Variants in STOX2 observed in about 807,000 individuals in gnomAD.
The protein encoded by STOX2 is storkhead-box protein 2.
STOX2 carries 28 observed loss-of-function variants against 60.9 expected under a neutral mutation model. The observed-to-expected ratio is 0.46, with a 90% confidence interval of 0.34 to 0.63. The LOEUF (loss-of-function observed/expected upper bound fraction) is 0.63. Among genes scored for constraint, STOX2 ranks in the 30% least tolerant of loss-of-function variants. The probability of loss-of-function intolerance (pLI) is 0.01; values close to 1 mark genes in which losing one functional copy is unlikely to be tolerated. For synonymous variants in STOX2, 472 were observed against 463.9 expected, an observed-to-expected ratio of 1.02 and a Z score of -0.22; for missense variants, 1,024 against 1,187.7, an observed-to-expected ratio of 0.86 and a Z score of 2.03.
intron 1 of STOX2, among the ~76,000 whole-genome samples, chr4:183,848,013 T>C (rs1740026738): frequency 6.6e-6 from 1 of 152,194 alleles, no homozygotes; most frequent in Non-Finnish European, 1.5e-5. Context: ...TGGAGGGATA[T>C]TGACTGGCCC....
intron 1 of STOX2, among the ~76,000 whole-genome samples, chr4:183,931,601 G>A (rs1222551989): frequency 6.6e-6 from 1 of 152,208 alleles, no homozygotes; most frequent in African/African-American, 2.4e-5. Context: ...TATTGTGAAA[G>A]AAAGGGACTG....
At chr4:183,819,559 G>GGGGAGA (rs1195402058) in intron 1 of STOX2, among the ~76,000 whole-genome samples, 7 of 141,828 alleles carry the variant, frequency 4.9e-5, no homozygotes, top group African/African-American at 1.6e-4. Context: ...GGGAGACTGT[G>GGGGAGA]GGGAGAGGGA....
intron 1 of STOX2, among the ~76,000 whole-genome samples, chr4:183,956,285 A>C (rs2111154686): frequency 6.6e-6 from 1 of 152,314 alleles, no homozygotes; most frequent in South Asian, 2.1e-4. Flanking sequence ...GTGACAGAAA[A>C]GTTACAAAGT....
chr4:184,020,684 G>C lies in STOX2; in HGVS notation c.*3400G>C, dbSNP rs982889507. 7 of 59,814 alleles carry C rather than the reference G, an allele frequency of 1.2e-4. No homozygotes were observed. In the East Asian group the frequency reaches 3.1e-3, roughly 27 times the overall value. 3.7% of individuals were successfully genotyped at this position (59,814 alleles called of 1,614,324 possible). ...GGGGACCATAATGAACATATGAAAG[G>C]GGGGGGGGTGCCATCAAATAGAGAA... On this transcript the variant is annotated 3_prime_UTR_variant, in exon 4 of 4. Coordinates refer to ENST00000308497, the MANE Select transcript of STOX2 (RefSeq NM_020225.3).
intron 3 of STOX2, 50 bp from the exon 4 acceptor site, chr4:184,017,039 A>G (rs1010574719): frequency 1.4e-6 from 2 of 1,461,272 alleles, no homozygotes; most frequent in Admixed American, 4.9e-5. Flanking sequence ...CTCAATTTAT[A>G]ATTATTTATG....
intron 1 of STOX2, among the ~76,000 whole-genome samples, chr4:183,814,790 CAT>C (rs1560827894): frequency 6.6e-6 from 1 of 152,146 alleles, no homozygotes; most frequent in African/African-American, 2.4e-5. Flanking sequence ...TATTAAAATA[CAT>C]ACAAAAATAC....
At chr4:183,859,394 A>C in intron 1 of STOX2, among the ~76,000 whole-genome samples, 1 of 152,224 alleles carries the variant, frequency 6.6e-6, no homozygotes, top group Non-Finnish European at 1.5e-5. Flanking sequence ...ATCGGGTGAC[A>C]TTGGAGCTGG....
intron 1 of STOX2, among the ~76,000 whole-genome samples, chr4:183,845,945 C>T (rs1739973701): frequency 6.6e-6 from 1 of 152,064 alleles, no homozygotes. Context: ...GAATTATTGT[C>T]TAGTATTTTT....
intron 1 of STOX2, among the ~76,000 whole-genome samples, chr4:183,920,128 T>A (rs1351044917): frequency 6.6e-6 from 1 of 152,086 alleles, no homozygotes; most frequent in Non-Finnish European, 1.5e-5. Flanking sequence ...TTTTTATTTT[T>A]ATTTTGAGAC....
chr4:183,965,395 A>G (rs906452295), intron 1 of STOX2, among the ~76,000 whole-genome samples: 2 of 152,234 alleles, frequency 1.3e-5, no homozygotes, highest in African/African-American at 4.8e-5. Flanking sequence ...AATAAATGTT[A>G]GCATTCTTTA....
intron 1 of STOX2, among the ~76,000 whole-genome samples, chr4:183,914,257 G>T (rs1220189537): frequency 1.3e-5 from 2 of 152,036 alleles, no homozygotes; most frequent in African/African-American, 4.8e-5. Context: ...GGTGAACATG[G>T]CGAAACCCCG....
chr4:183,952,429 TC>T (rs1560901586), intron 1 of STOX2, among the ~76,000 whole-genome samples: 1 of 152,246 alleles, frequency 6.6e-6, no homozygotes, highest in African/African-American at 2.4e-5. Flanking sequence ...TATATACAGA[TC>T]TCACAAATAT....
In STOX2 at chr4:183,798,899, T is replaced by C. The variant is rs777300067; in HGVS notation, c.364+844T>C. The stretch of plus-strand genomic sequence containing the variant: ...GAGTTTTGTACTTTGGGTTTTATAC[T>C]TTGAGTTTTTGTACTATTACATAGT... On this transcript the variant is annotated intron_variant, in intron 1 of 2. Coordinates refer to the STOX2 transcript ENST00000513034. 12 of 800,974 alleles carry C rather than the reference T, an allele frequency of 1.5e-5. No individual in the cohort carries two copies. The African/African-American group carries it at 1.5e-4, about 10-fold the overall frequency. 49.6% of individuals were successfully genotyped at this position (800,974 alleles called of 1,614,324 possible).
rs546036109 is a variant in STOX2 at position 183,875,412 on chromosome 4, G to A, written c.364+77357G>A. Among the ~76,000 whole-genome samples, 10 of 152,322 alleles carry A rather than the reference G, an allele frequency of 6.6e-5. No homozygotes were observed. In the East Asian group the frequency reaches 1.7e-3, roughly 26 times the overall value. The stretch of plus-strand genomic sequence containing the variant: ...GTTCCTTATTGATAGCACTTCCGCA[G>A]AGGCCAGTGGCTTTTCTAGGGAGAG... On this transcript the variant is annotated intron_variant, in intron 1 of 2. Transcript: ENST00000513034.
At chr4:183,985,389 T>G (rs866919557) in intron 1 of STOX2, among the ~76,000 whole-genome samples, 1 of 152,166 alleles carries the variant, frequency 6.6e-6, no homozygotes, top group Non-Finnish European at 1.5e-5. Context: ...AAATTGACTT[T>G]CAGTGGCTGA....
Position 184,009,942 on chromosome 4 carries a change from A to G in STOX2, c.1104A>G (p.Gly368=). 6.2e-7 allele frequency: 1 copy of G among 1,613,628 alleles called. No homozygotes were observed. Among genetic ancestry groups the G allele is most frequent in the Non-Finnish European group, 8.5e-7 (1 of 1,179,764 alleles). The change falls in exon 3 of 4, where the codon GGA becomes GGG. Residue 368 remains glycine (G), a synonymous_variant. Transcript: ENST00000308497. This position sits in a 1 kb window ranked among gnomAD's most constrained non-coding sequence, Gnocchi z 4.0. ...KKSRTHRKSH[G]KSRSHSKTRV... ...GTAGGACTCATCGGAAGTCCCATGG[A>G]AAGTCTCGGTCTCACAGCAAGACAC...
intron 1 of STOX2, among the ~76,000 whole-genome samples, chr4:183,862,168 GTTGT>G (rs34544588): frequency 0.52 from 77,818 of 151,020 alleles, 20,435 homozygotes; most frequent in Admixed American, 0.57. Flanking sequence ...GTTTGTTGTT[GTTGT>G]TTGTTTGTTT....
At chr4:183,892,518 C>T (rs35012279) in intron 1 of STOX2, among the ~76,000 whole-genome samples, 90,610 of 151,990 alleles carry the variant, frequency 0.6, 30,170 homozygotes, top group East Asian at 0.84. Context: ...CTGACCTTGT[C>T]ATCCGCCCGC....
intron 1 of STOX2, among the ~76,000 whole-genome samples, chr4:183,818,295 A>T (rs1739203166): frequency 6.6e-6 from 1 of 151,590 alleles, no homozygotes; most frequent in Admixed American, 6.6e-5. Flanking sequence ...AGTGGTGATG[A>T]CTCTTAACGA....
Sources: allele counts gnomAD v4.1 joint callset (sites outside exome capture counted in the v4.1 genomes callset), GRCh38; gene constraint gnomAD v4.1.1; non-coding constraint Gnocchi (gnomAD v3.1); transcripts MANE v1.5; gene names NCBI Gene and HGNC (gene_info 2026-07-23, HGNC 2026-07-21).